UCKL1: variants seen among roughly 807,000 people sequenced by gnomAD.
UCKL1 encodes uridine-cytidine kinase 1 like 1.
Under a neutral mutation model 59.2 loss-of-function variants are expected in UCKL1, and 65 were observed. That is an observed-to-expected ratio of 1.10 (90% CI 0.90 to 1.35). UCKL1 has a LOEUF of 1.35. Among genes scored for constraint, UCKL1 ranks in the 40% most tolerant of loss-of-function variants. The pLI, the probability that UCKL1 is intolerant of heterozygous loss-of-function variation, is 0.00. For missense variants in UCKL1, 703 were observed against 784.3 expected, an observed-to-expected ratio of 0.90 and a Z score of 1.24; for synonymous variants, 410 against 323.1, an observed-to-expected ratio of 1.27 and a Z score of -2.88.
chr20:63,950,431 A>G (rs2057402583), intron 1 of UCKL1, among the ~76,000 whole-genome samples: 1 of 152,100 alleles, frequency 6.6e-6, no homozygotes, highest in Non-Finnish European at 1.5e-5. Context: ...TAGAATATTA[A>G]AAATAAATAA....
In UCKL1 at chr20:63,947,559, G is replaced by A. The variant is rs143352669; in HGVS notation, c.114-916C>T. ...TCAGCCAGGACCTGATTCTCCTGCA[G>A]TGACAGCAGGCCCAGCACAGTGCCT... On this transcript the variant is annotated intron_variant, in intron 1 of 14. Coordinates refer to ENST00000354216, the MANE Select transcript of UCKL1 (RefSeq NM_017859.4). Among the ~76,000 whole-genome samples the A allele has an allele frequency of 3.5e-3, 531 of 152,386 alleles. 1 individual carries two copies. The highest frequency in any genetic ancestry group is 0.01 in the Middle Eastern group (3 of 294).
chr20:63,954,151 G>A (rs1488393470), intron 1 of UCKL1: 1 of 153,270 alleles, frequency 6.5e-6, no homozygotes, highest in Non-Finnish European at 1.5e-5. Context: ...GAGCACTGGG[G>A]GTTGGGGGCT....
In UCKL1 at chr20:63,944,718, A is replaced by C. The variant is rs760302061; in HGVS notation, c.671T>G (p.Ile224Ser). 2 of 1,612,702 alleles carry C rather than the reference A, an allele frequency of 1.2e-6. No individual in the cohort carries two copies. The highest frequency in any genetic ancestry group is 2.2e-5 in the East Asian group (1 of 44,866). The part of the protein sequence containing the change: ...KTLLELLDMK[I>S]FVDTDSDIRL... ...GATGTCGGAGTCTGTGTCCACAAAG[A>C]TCTTCATGTCCAGGAGCTGGTGGAG... The change falls in exon 6 of 15, where the codon ATC becomes AGC. Residue 224 changes from isoleucine (I) to serine (S), a missense_variant. Ile to Ser is a moderately radical substitution (Grantham distance 142). Around this residue, in one of 4 missense-constraint regions of UCKL1, gnomAD observed 398 missense variants for 373.0 expected, o/e 1.07. Transcript: ENST00000354216.
At chr20:63,950,968 C>G in intron 1 of UCKL1, 26 of 1,306,166 alleles carry the variant, frequency 2.0e-5, no homozygotes, top group Non-Finnish European at 2.5e-5. Context: ...GAGCTCCGGC[C>G]ACCTGAACTG....
At chr20:63,956,044 G>T (rs1601435723) in intron 1 of UCKL1, 1 of 435,456 alleles carries the variant, frequency 2.3e-6, no homozygotes, top group Non-Finnish European at 4.1e-6. Context: ...CCTTCCCCGA[G>T]CCCCGAGGAG....
intron 1 of UCKL1, 94 bp from the exon 2 acceptor site, chr20:63,946,737 C>A (rs560449264): frequency 1.8e-5 from 25 of 1,353,786 alleles, no homozygotes; most frequent in Non-Finnish European, 2.0e-5. Flanking sequence ...CCCCCCACCC[C>A]CTCAACAGGC....
chr20:63,940,895 A>G (rs1569022345), intron 10 of UCKL1, 39 bp from the exon 11 acceptor site: 1 of 1,523,172 alleles, frequency 6.6e-7, no homozygotes, highest in Non-Finnish European at 8.8e-7. Flanking sequence ...GAGCGCAGGG[A>G]GCTCGCACCG....
intron 1 of UCKL1, chr20:63,950,667 T>G (rs1481384188): frequency 1.5e-6 from 2 of 1,303,040 alleles, no homozygotes; most frequent in African/African-American, 3.1e-5. Context: ...ATTCCTGATA[T>G]CCACAGACAT....
chr20:63,949,246 AGCACAAACAACAAG>A lies in UCKL1; in HGVS notation c.114-2617_114-2604del, dbSNP rs2146652461. Among the ~76,000 whole-genome samples, 3 of 152,240 alleles carry A rather than the reference AGCACAAACAACAAG, an allele frequency of 2.0e-5. No individual in the cohort carries two copies. The East Asian group carries it at 5.8e-4, about 29-fold the overall frequency. Reference sequence around the variant, plus strand: ...AGTGGTGACGTCAGCAGCAGGGCTGAGCACAAACAACAAGGCCAGGCGCCAAGACGACCAGGCGA... The same window carrying A: ...AGTGGTGACGTCAGCAGCAGGGCTGAGCCAGGCGCCAAGACGACCAGGCGA... On this transcript the variant is annotated intron_variant, in intron 1 of 14. Coordinates refer to ENST00000354216, the MANE Select transcript of UCKL1 (RefSeq NM_017859.4).
intron 1 of UCKL1, chr20:63,950,979 GC>G: frequency 7.6e-7 from 1 of 1,308,174 alleles, no homozygotes. Flanking sequence ...ACCTGAACTG[GC>G]CCTTCCATGG....
chr20:63,950,804 G>A (rs1331560450), intron 1 of UCKL1: 1 of 1,540,670 alleles, frequency 6.5e-7, no homozygotes, highest in Admixed American at 2.0e-5. Context: ...CCTGATGCCA[G>A]GGTAAGCTGG....
intron 14 of UCKL1, 43 bp from the exon 15 acceptor site, chr20:63,940,098 A>C (rs372332355): frequency 2.5e-4 from 407 of 1,608,334 alleles, no homozygotes; most frequent in Non-Finnish European, 3.3e-4. Context: ...GGGGCCTCCC[A>C]GGGCCACCCA....
rs774871071 is a variant in UCKL1 at position 63,946,257 on chromosome 20, G to A, written c.315C>T (p.Gly105=). The A allele has an allele frequency of 8.2e-5, 130 of 1,592,164 alleles. No homozygotes were observed. The highest frequency in any genetic ancestry group is 9.7e-5 in the Non-Finnish European group (113 of 1,170,612). ...SKEAFAIGLG[G]GSASGKTTVA... ...CAGTGGTCTTCCCAGAGGCACTGCC[G>A]CCTCCCAAGCCTGCCGGCGGGAGTG... The change falls in exon 3 of 15, where the codon GGC becomes GGT. Residue 105 remains glycine, a synonymous_variant. Coordinates refer to ENST00000354216, the MANE Select transcript of UCKL1 (RefSeq NM_017859.4).
intron 1 of UCKL1, among the ~76,000 whole-genome samples, chr20:63,951,632 G>A (rs1428147714): frequency 3.3e-5 from 5 of 152,038 alleles, no homozygotes; most frequent in Admixed American, 3.3e-4. Flanking sequence ...CAGCCACCCA[G>A]GGCTCACCAC....
intron 7 of UCKL1, among the ~76,000 whole-genome samples, chr20:63,943,895 C>A (rs1569058511): frequency 1.3e-5 from 2 of 152,236 alleles, no homozygotes. Flanking sequence ...CTCTGTTCTG[C>A]AGGCCTCAGG....
At position 63,940,075 on chromosome 20, in the gene UCKL1, G is replaced by T. The variant is rs765640103; in HGVS notation, c.1568-20C>A. ...AGTTCCCTGGAAAAAGGGGGGGGGG[G>T]GTCCAGTGTGGTGGGGCCTCCCAGG... On this transcript the variant is annotated intron_variant, in intron 14 of 14. Coordinates refer to ENST00000354216, the MANE Select transcript of UCKL1 (RefSeq NM_017859.4). 9 of 1,562,982 alleles carry T rather than the reference G, an allele frequency of 5.8e-6. No individual in the cohort carries two copies. Among genetic ancestry groups the T allele is most frequent in the East Asian group, 2.3e-5 (1 of 44,284 alleles).
At chr20:63,942,851 G>C (rs967331432) in intron 8 of UCKL1, 3 of 400,136 alleles carry the variant, frequency 7.5e-6, no homozygotes, top group African/African-American at 6.2e-5. Context: ...CAAGACCTGC[G>C]GGTTCCTAGG....
At chr20:63,944,966 G>A (rs552516998) in intron 5 of UCKL1, among the ~76,000 whole-genome samples, 1 of 152,328 alleles carries the variant, frequency 6.6e-6, no homozygotes, top group South Asian at 2.1e-4. Flanking sequence ...GGAGTGGGGA[G>A]GTGGGGGTGT....
At chr20:63,951,265 C>T in intron 1 of UCKL1, 1 of 953,970 alleles carries the variant, frequency 1.0e-6, no homozygotes, top group Non-Finnish European at 1.2e-6. Flanking sequence ...CGGGCCAGCC[C>T]TCGGTGTGAA....
Sources: gnomAD v4.1 joint callset for allele counts (sites outside exome capture counted in the v4.1 genomes callset) on GRCh38, gnomAD v4.1.1 for gene constraint, gnomAD v4.1.1 regional missense constraint, MANE v1.5 for transcripts, NCBI Gene and HGNC (gene_info 2026-07-23, HGNC 2026-07-21) for gene names.